Variants in SGO2 observed in about 807,000 individuals in gnomAD.
The protein encoded by SGO2 is shugoshin-like 2.
A neutral mutation model predicts 99.5 loss-of-function variants in SGO2; 68 were observed. That is an observed-to-expected ratio of 0.68 (90% CI 0.56 to 0.84). SGO2 has a LOEUF of 0.84. SGO2 is among the 40% of genes least tolerant of loss of function. The probability of loss-of-function intolerance (pLI) is 0.00; values close to 1 mark genes in which losing one functional copy is unlikely to be tolerated. For synonymous variants in SGO2, 457 were observed against 487.1 expected (o/e 0.94, Z 0.81); for missense variants, 1,350 against 1,436.7 (o/e 0.94, Z 0.97).
At position 200,571,226 on chromosome 2, in the gene SGO2, G is replaced by C. The variant is rs1559215437; in HGVS notation, c.880G>C (p.Val294Leu). Residue 294 changes from valine to leucine, a missense_variant, in exon 7 of 9, where the codon GTT becomes CTT. Val to Leu is a conservative substitution (Grantham distance 32). Transcript: ENST00000357799. The stretch of plus-strand genomic sequence containing the variant: ...TTCTGCAGACACTCCCTGTGCAACA[G>C]TTTTAGATAAACAACACATTTCAAG... ...NLSADTPCAT[V>L]LDKQHISSPE... 1 of 1,613,590 alleles carries C rather than the reference G, an allele frequency of 6.2e-7. No homozygotes were observed. The highest frequency in any genetic ancestry group is 2.2e-5 in the East Asian group (1 of 44,858).
rs568652942 is a variant in SGO2, at chr2:200,535,941, T to C, written c.310-124T>C. 3 of 510,664 alleles carry C rather than the reference T, an allele frequency of 5.9e-6. No individual in the cohort carries two copies. The South Asian group carries it at 8.6e-5, about 15-fold the overall frequency. The allele number at this position is 510,664 out of a possible 1,614,324, so 31.6% of individuals were successfully genotyped here. A position where few individuals can be genotyped will look rare whatever the true frequency, so the allele number is the denominator to read the frequency against. ...TTTAGCTGAATGTGATCTCAATTTT[T>C]AGCTCAATATGATATCAACTATTTT... is the stretch of plus-strand genomic sequence containing the variant. On this transcript the variant is annotated intron_variant, in intron 3 of 8. Transcript: ENST00000357799.
chr2:200,574,570 A>G (rs16833785), intron 7 of SGO2, among the ~76,000 whole-genome samples: 5,145 of 152,170 alleles, frequency 0.034, 273 homozygotes, highest in African/African-American at 0.11. Flanking sequence ...GGAATCTTCA[A>G]ACGCATCCTT....
At position 200,572,370 on chromosome 2, in the gene SGO2, G is replaced by C. The variant is rs1217401617; in HGVS notation, c.2024G>C (p.Arg675Thr). The C allele has an allele frequency of 6.2e-7, 1 of 1,613,100 alleles. No individual in the cohort carries two copies. The stretch of plus-strand genomic sequence containing the variant: ...CTTCAAATCCCAGCTCTTTCTACTA[G>C]AGATAATGAAAATCAATGTGACTAT... ...KELQIPALST[R>T]DNENQCDYRT... is the part of the protein sequence containing the mutation. Residue 675 changes from arginine (R) to threonine (T), a missense_variant, in exon 7 of 9, where the codon AGA becomes ACA. Arg to Thr is a moderately conservative substitution (Grantham distance 71). Transcript: ENST00000357799.
Position 200,572,130 on chromosome 2 carries a change from A to G in SGO2, c.1784A>G (p.Tyr595Cys). 6 of 1,612,962 alleles carry G rather than the reference A, an allele frequency of 3.7e-6. No individual in the cohort carries two copies. In the African/African-American group the frequency reaches 6.7e-5, roughly 18 times the overall value. Reference protein sequence around the residue: ...GTHNILDLKKYVTDIQPSEQN... With the variant: ...GTHNILDLKKCVTDIQPSEQN... ...CACAATATATTGGATTTGAAAAAGT[A>G]TGTCACTGATATTCAACCCTCAGAG... Residue 595 changes from tyrosine (Y) to cysteine (C), a missense_variant, in exon 7 of 9, where the codon TAT (tyrosine) becomes TGT (cysteine). Transcript: ENST00000357799.
chr2:200,554,415 A>G (rs558411096), intron 5 of SGO2, among the ~76,000 whole-genome samples: 30 of 152,282 alleles, frequency 2.0e-4, no homozygotes, highest in African/African-American at 7.0e-4. Flanking sequence ...TAATGTCACA[A>G]TCTCCAAAGT....
intron 8 of SGO2, among the ~76,000 whole-genome samples, chr2:200,578,962 G>A (rs2033752192): frequency 6.6e-6 from 1 of 151,976 alleles, no homozygotes; most frequent in Admixed American, 6.6e-5. Context: ...TCTCTTTTAT[G>A]GGAGGCTGTC....
intron 5 of SGO2, among the ~76,000 whole-genome samples, chr2:200,547,553 T>C (rs973973507): frequency 3.9e-5 from 6 of 152,218 alleles, no homozygotes; most frequent in Non-Finnish European, 7.3e-5. Context: ...AAAAGATAAA[T>C]TTATCAAAAC....
chr2:200,563,219 T>C (rs1430515061), intron 5 of SGO2, among the ~76,000 whole-genome samples: 3 of 152,212 alleles, frequency 2.0e-5, no homozygotes, highest in Non-Finnish European at 2.9e-5. Context: ...CTTATTATTT[T>C]GAGATACATC....
intron 1 of SGO2, among the ~76,000 whole-genome samples, chr2:200,528,633 A>G (rs2031218730): frequency 6.6e-6 from 1 of 152,188 alleles, no homozygotes; most frequent in Non-Finnish European, 1.5e-5. Flanking sequence ...ATAAATCTGG[A>G]GTTCAAGGGA....
intron 5 of SGO2, among the ~76,000 whole-genome samples, chr2:200,548,850 A>G (rs1279247346): frequency 6.6e-6 from 1 of 152,262 alleles, no homozygotes; most frequent in Non-Finnish European, 1.5e-5. Flanking sequence ...GAAGAAATGA[A>G]TACATTTTTG....
At position 200,570,027 on chromosome 2, in the gene SGO2, T is replaced by A; in HGVS notation, c.703+135T>A. 1 of 604,492 alleles carries A rather than the reference T, an allele frequency of 1.7e-6. No homozygotes were observed. Among genetic ancestry groups the A allele is most frequent in the Non-Finnish European group, 2.9e-6 (1 of 345,398 alleles). 37.4% of individuals were successfully genotyped at this position (604,492 alleles called of 1,614,324 possible). On this transcript the variant is annotated intron_variant, in intron 6 of 8. Coordinates refer to ENST00000357799, the MANE Select transcript of SGO2 (RefSeq NM_152524.6). The surrounding 1 kb of genome is among the most constrained non-coding windows in gnomAD (Gnocchi z 4.4). Reference sequence around the variant, plus strand: ...TACCGATTTGCTAACTTCTGCCATTTAAAACTGCTGGTGATAGATTTAATT... The same window carrying A: ...TACCGATTTGCTAACTTCTGCCATTAAAAACTGCTGGTGATAGATTTAATT...
chr2:200,572,473 TAAG>T lies in SGO2; in HGVS notation c.2131_2133del (p.Lys711del), dbSNP rs760093536. ...TTCAGCAAAATGAATCAAAAGTTAA[TAAG>T]AAGCTTAGGCAGAAAGTAAATCGGA... is the stretch of plus-strand genomic sequence containing the variant. On this transcript the variant is annotated inframe_deletion, in exon 7 of 9. Coordinates refer to ENST00000357799, the MANE Select transcript of SGO2 (RefSeq NM_152524.6). The T allele has an allele frequency of 5.6e-6, 9 of 1,612,962 alleles. No homozygotes were observed. Among genetic ancestry groups the T allele is most frequent in the Non-Finnish European group, 6.8e-6 (8 of 1,179,428 alleles).
At chr2:200,537,667 T>G (rs2031755693) in intron 4 of SGO2, among the ~76,000 whole-genome samples, 1 of 152,168 alleles carries the variant, frequency 6.6e-6, no homozygotes, top group Non-Finnish European at 1.5e-5. Flanking sequence ...CTCTTTTCTA[T>G]CTACATTCAC....
chr2:200,533,013 C>G lies in SGO2; in HGVS notation c.38C>G (p.Thr13Ser). The part of the protein sequence containing the change: ...CPVMETGSLF[T>S]SGIKRHLKDK... ...GTGATGGAAACTGGCTCACTTTTTA[C>G]CTCAGGAATTAAGAGACATTTGAAA... The change falls in exon 2 of 9, where the codon ACC (threonine) becomes AGC (serine). Residue 13 changes from threonine (T) to serine (S), a missense_variant. Transcript: ENST00000357799. The G allele has an allele frequency of 6.2e-7, 1 of 1,609,310 alleles. No homozygotes were observed. The highest frequency in any genetic ancestry group is 2.2e-5 in the East Asian group (1 of 44,744).
At chr2:200,567,766 T>C (rs761566222) in intron 5 of SGO2, among the ~76,000 whole-genome samples, 1 of 152,262 alleles carries the variant, frequency 6.6e-6, no homozygotes. Context: ...GGTTCATTCA[T>C]GTTGTAGCAC....
intron 8 of SGO2, among the ~76,000 whole-genome samples, chr2:200,577,881 T>C (rs571800279): frequency 6.6e-6 from 1 of 152,222 alleles, no homozygotes; most frequent in Admixed American, 6.5e-5. Context: ...TTACTAGTCA[T>C]GTTAGCCTTG....
At chr2:200,564,175 C>T (rs1247192316) in intron 5 of SGO2, among the ~76,000 whole-genome samples, 4 of 152,156 alleles carry the variant, frequency 2.6e-5, no homozygotes, top group East Asian at 1.9e-4. Flanking sequence ...TTAGATCTTT[C>T]CTGCTTTCTC....
intron 4 of SGO2, 97 bp downstream of exon 4, chr2:200,536,239 A>C: frequency 1.4e-6 from 1 of 705,058 alleles, no homozygotes. Context: ...TCACATTTCA[A>C]GTTTTGTGCA....
intron 8 of SGO2, among the ~76,000 whole-genome samples, chr2:200,578,144 T>C (rs2033723089): frequency 4.3e-5 from 1 of 23,212 alleles, no homozygotes; most frequent in South Asian, 1.2e-3. Flanking sequence ...GGAAGAGTTG[T>C]CTTTTCTATA....
Sources: allele counts gnomAD v4.1 joint callset (sites outside exome capture counted in the v4.1 genomes callset), GRCh38; gene constraint gnomAD v4.1.1; non-coding constraint Gnocchi (gnomAD v3.1); transcripts MANE v1.5; gene names NCBI Gene and HGNC (gene_info 2026-07-23, HGNC 2026-07-21).